Variants in SMARCAL1 observed in about 807,000 individuals in gnomAD.
The protein encoded by SMARCAL1 is ATP-driven annealing helicase.
Under a neutral mutation model 94.5 loss-of-function variants are expected in SMARCAL1, and 58 were observed. That is an observed-to-expected ratio of 0.61 (90% CI 0.50 to 0.76). SMARCAL1 has a LOEUF of 0.76. SMARCAL1 is among the 30% of genes least tolerant of loss of function. The pLI is 0.00. For synonymous variants in SMARCAL1, 422 were observed against 455.1 expected, an observed-to-expected ratio of 0.93 and a Z score of 0.93; for missense variants, 1,051 against 1,177.9, an observed-to-expected ratio of 0.89 and a Z score of 1.58.
intron 7 of SMARCAL1, among the ~76,000 whole-genome samples, chr2:216,432,276 G>T (rs546206572): frequency 3.3e-5 from 5 of 152,152 alleles, no homozygotes; most frequent in Admixed American, 6.5e-5. Flanking sequence ...TTACAGGCAT[G>T]AGCCACCGCG....
chr2:216,425,473 G>A lies in SMARCAL1; in HGVS notation c.1147+1790G>A, dbSNP rs375718710. ...ACAGCTCTGGCCGAGGGAGTCCCAAGGTCTGGGCTCCCAGAAAGGTTGCCA... is the reference window on the plus strand; with the variant it reads ...ACAGCTCTGGCCGAGGGAGTCCCAAAGTCTGGGCTCCCAGAAAGGTTGCCA... On this transcript the variant is annotated intron_variant, in intron 6 of 17. Coordinates refer to ENST00000357276, the MANE Select transcript of SMARCAL1 (RefSeq NM_014140.4). 2.7e-3 allele frequency among the ~76,000 whole-genome samples: 417 copies of A among 152,340 alleles called. 1 individual carries two copies. The highest frequency in any genetic ancestry group is 9.4e-3 in the African/African-American group (389 of 41,578).
At chr2:216,466,537 GTTGT>G (rs989283529) in intron 13 of SMARCAL1, among the ~76,000 whole-genome samples, 78 of 152,174 alleles carry the variant, frequency 5.1e-4, no homozygotes, top group African/African-American at 1.7e-3. Context: ...TTTTTTTGCT[GTTGT>G]TTGTTTTTTC....
At chr2:216,433,095 A>C (rs1261358934) in intron 8 of SMARCAL1, among the ~76,000 whole-genome samples, 1 of 152,166 alleles carries the variant, frequency 6.6e-6, no homozygotes, top group Non-Finnish European at 1.5e-5. Flanking sequence ...ACCGGCTTAG[A>C]GACTTGTGTT....
chr2:216,481,370 A>G (rs1695194645), intron 17 of SMARCAL1, among the ~76,000 whole-genome samples: 1 of 151,570 alleles, frequency 6.6e-6, no homozygotes, highest in African/African-American at 2.4e-5. Flanking sequence ...AATTTTCTGT[A>G]TTTTTGATAG....
At position 216,474,128 on chromosome 2, in the gene SMARCAL1, C is replaced by CTTTTTTTTTTTTTTTTTTT. The variant is rs1182416023; in HGVS notation, c.2245-1130_2245-1112dup. On this transcript the variant is annotated intron_variant, in intron 14 of 17. Coordinates refer to ENST00000357276, the MANE Select transcript of SMARCAL1 (RefSeq NM_014140.4). Reference sequence around the variant, plus strand: ...ATTTATATAACATTTGTATAGCATTCTTTTTTTTTTTTTTTTTTTTTTTTT... The same window carrying CTTTTTTTTTTTTTTTTTTT: ...ATTTATATAACATTTGTATAGCATTCTTTTTTTTTTTTTTTTTTTTTTTTTTTTTTTTTTTTTTTTTTTT... 2.8e-4 allele frequency among the ~76,000 whole-genome samples: 18 copies of CTTTTTTTTTTTTTTTTTTT among 64,928 alleles called. 2 individuals carry two copies. The highest frequency in any genetic ancestry group is 9.9e-4 in the African/African-American group (17 of 17,190). 42.6% of individuals were successfully genotyped at this position (64,928 alleles called of 152,430 possible). A position where few individuals can be genotyped will look rare whatever the true frequency, so the allele number is the denominator to read the frequency against.
chr2:216,448,837 A>G (rs1056899105), intron 11 of SMARCAL1, among the ~76,000 whole-genome samples: 1 of 152,118 alleles, frequency 6.6e-6, no homozygotes, highest in Non-Finnish European at 1.5e-5. Context: ...GTCTCAAAAA[A>G]AAAAAAGAAA....
At chr2:216,432,452 A>G (rs1693984313) in intron 7 of SMARCAL1, among the ~76,000 whole-genome samples, 1 of 152,150 alleles carries the variant, frequency 6.6e-6, no homozygotes, top group African/African-American at 2.4e-5. Context: ...TTTGGCCTCC[A>G]CGACCTAATC....
At chr2:216,422,147 A>G (rs1188500197) in intron 5 of SMARCAL1, among the ~76,000 whole-genome samples, 1 of 152,124 alleles carries the variant, frequency 6.6e-6, no homozygotes, top group Non-Finnish European at 1.5e-5. Context: ...TGGGAGGCCA[A>G]GGTGGGTGGA....
intron 6 of SMARCAL1, 101 bp from the exon 7 acceptor site, chr2:216,428,495 C>A: frequency 8.6e-7 from 1 of 1,160,756 alleles, no homozygotes; most frequent in Non-Finnish European, 1.3e-6. Flanking sequence ...GACCTAGGAC[C>A]AGCATCACTG....
chr2:216,415,030 C>G lies in SMARCAL1; in HGVS notation c.326C>G (p.Pro109Arg). Residue 109 changes from proline to arginine, a missense_variant, in exon 3 of 18, where the codon CCA (proline) becomes CGA (arginine). Around this residue, in one of 3 missense-constraint regions of SMARCAL1, gnomAD observed 398 missense variants for 395.2 expected, o/e 1.01. Coordinates refer to ENST00000357276, the MANE Select transcript of SMARCAL1 (RefSeq NM_014140.4). Reference sequence around the variant, plus strand: ...CCAGAAGAAATGCCCACAGCCTGCCCAGGCCACAGTCCACGTAGTCAAATG... The same window carrying G: ...CCAGAAGAAATGCCCACAGCCTGCCGAGGCCACAGTCCACGTAGTCAAATG... Reference protein sequence around the residue: ...KKPEEMPTACPGHSPRSQMAL... With the variant: ...KKPEEMPTACRGHSPRSQMAL... 6.2e-7 allele frequency: 1 copy of G among 1,614,228 alleles called. No individual in the cohort carries two copies. Among genetic ancestry groups the G allele is most frequent in the Non-Finnish European group, 8.5e-7 (1 of 1,180,028 alleles).
At chr2:216,425,205 G>A (rs1418294090) in intron 6 of SMARCAL1, among the ~76,000 whole-genome samples, 1 of 152,234 alleles carries the variant, frequency 6.6e-6, no homozygotes, top group Non-Finnish European at 1.5e-5. Flanking sequence ...CAGAGGGTTT[G>A]TGAGCAAGTG....
intron 12 of SMARCAL1, among the ~76,000 whole-genome samples, chr2:216,463,365 C>T (rs1372574233): frequency 1.3e-5 from 2 of 152,118 alleles, no homozygotes; most frequent in African/African-American, 4.8e-5. Context: ...GATCAAGTGG[C>T]CAGCAGATTC....
chr2:216,450,816 A>C (rs764362731), intron 11 of SMARCAL1, 30 bp from the exon 12 acceptor site: 2 of 1,587,254 alleles, frequency 1.3e-6, no homozygotes, highest in African/African-American at 2.7e-5. Flanking sequence ...AAGGAGCCTC[A>C]TGGGGCTGTC....
intron 11 of SMARCAL1, among the ~76,000 whole-genome samples, chr2:216,450,103 G>A (rs284555): frequency 0.38 from 57,487 of 151,962 alleles, 14,623 homozygotes; most frequent in African/African-American, 0.72. Flanking sequence ...TCCTGCCTCC[G>A]CCTCCCAAAG....
At chr2:216,432,925 C>A in intron 8 of SMARCAL1, 57 bp downstream of exon 8, 1 of 1,601,410 alleles carries the variant, frequency 6.2e-7, no homozygotes, top group South Asian at 1.1e-5. Flanking sequence ...GTGTTAGAGT[C>A]ATAAAATAAT....
intron 14 of SMARCAL1, among the ~76,000 whole-genome samples, chr2:216,474,572 T>C (rs980022866): frequency 1.3e-5 from 2 of 149,374 alleles, no homozygotes; most frequent in South Asian, 2.1e-4. Context: ...CTGGCCAACA[T>C]AGTGGAACCA....
chr2:216,443,653 T>G (rs978440672), intron 10 of SMARCAL1, among the ~76,000 whole-genome samples: 4 of 152,234 alleles, frequency 2.6e-5, no homozygotes, highest in African/African-American at 9.6e-5. Context: ...AACTTTGTTT[T>G]TTTTGGAACA....
intron 12 of SMARCAL1, among the ~76,000 whole-genome samples, chr2:216,454,882 T>C (rs1040939070): frequency 9.9e-5 from 15 of 152,154 alleles, no homozygotes; most frequent in African/African-American, 3.6e-4. Context: ...ACACCGAGCG[T>C]GAGCGGAAGC....
intron 6 of SMARCAL1, among the ~76,000 whole-genome samples, chr2:216,426,353 G>A (rs1240556499): frequency 1.3e-5 from 2 of 152,206 alleles, no homozygotes; most frequent in Non-Finnish European, 2.9e-5. Context: ...ACATAGCATT[G>A]TAGAGTGGTT....
Sources: allele counts gnomAD v4.1 joint callset (sites outside exome capture counted in the v4.1 genomes callset), GRCh38; gene constraint gnomAD v4.1.1; regional missense constraint gnomAD v4.1.1; transcripts MANE v1.5; gene names NCBI Gene and HGNC (gene_info 2026-07-23, HGNC 2026-07-21).